HPSE2: variants seen among roughly 807,000 people sequenced by gnomAD.
HPSE2 encodes heparanase 2 (inactive).
HPSE2 carries 38 observed loss-of-function variants against 60.5 expected under a neutral mutation model. That is an observed-to-expected ratio of 0.63 (90% CI 0.48 to 0.82). The LOEUF (loss-of-function observed/expected upper bound fraction) is 0.82, where lower values mean the gene tolerates loss of function less well. Among genes scored for constraint, HPSE2 ranks in the 40% least tolerant of loss-of-function variants. HPSE2 has a pLI of 0.00. For missense variants in HPSE2, 713 were observed against 740.4 expected (o/e 0.96, Z 0.43); for synonymous variants, 295 against 293.2 (o/e 1.01, Z -0.06).
At chr10:98,685,718 A>G (rs1299471800) in intron 6 of HPSE2, among the ~76,000 whole-genome samples, 1 of 152,168 alleles carries the variant, frequency 6.6e-6, no homozygotes, top group Non-Finnish European at 1.5e-5. Context: ...ACATCTTGTA[A>G]AAGTTTTTTT....
chr10:99,069,852 G>GA (rs1276317791), intron 3 of HPSE2, among the ~76,000 whole-genome samples: 7 of 151,022 alleles, frequency 4.6e-5, no homozygotes, highest in Non-Finnish European at 8.9e-5. Flanking sequence ...ATGGTAACAT[G>GA]AAAAAAAACT....
intron 2 of HPSE2, among the ~76,000 whole-genome samples, chr10:99,161,342 T>C (rs1362642937): frequency 6.6e-6 from 1 of 151,766 alleles, no homozygotes; most frequent in East Asian, 1.9e-4. Context: ...GGCAAATCCA[T>C]AAAATGAAAT....
chr10:98,899,157 T>C (rs544428015), intron 3 of HPSE2, among the ~76,000 whole-genome samples: 15 of 152,328 alleles, frequency 9.8e-5, no homozygotes, highest in East Asian at 7.7e-4. Context: ...CTGTGTGCTT[T>C]TGTAGCTTGA....
intron 4 of HPSE2, among the ~76,000 whole-genome samples, chr10:98,724,727 T>C (rs1393891104): frequency 2.0e-5 from 3 of 152,310 alleles, no homozygotes; most frequent in Admixed American, 6.5e-5. Flanking sequence ...GTAATGGCCT[T>C]CTTTGTCTCT....
At chr10:99,312,879 G>T in the HPSE2 span, among the ~76,000 whole-genome samples, 4 of 152,192 alleles carry the variant, frequency 2.6e-5, no homozygotes, top group East Asian at 7.7e-4. Context: ...TGTAGGTATG[G>T]CCAGGTGGGA....
rs866336310 is a variant in HPSE2 at position 99,184,811 on chromosome 10, T to C, written c.449-40412A>G. 7.2e-3 allele frequency among the ~76,000 whole-genome samples: 271 copies of C among 37,884 alleles called. 40 individuals are homozygous for C. The highest frequency in any genetic ancestry group is 0.03 in the South Asian group (19 of 644). The allele number at this position is 37,884 out of a possible 152,430, so 24.9% of individuals were successfully genotyped here. The stretch of plus-strand genomic sequence containing the variant: ...TTATATATATATATATATATATATA[T>C]ATATATATAGAGAGAGAGAGAGAGA... On this transcript the variant is annotated intron_variant, in intron 2 of 11. Transcript: ENST00000370552.
intron 3 of HPSE2, among the ~76,000 whole-genome samples, chr10:99,114,988 T>C (rs1305404025): frequency 6.6e-6 from 1 of 151,916 alleles, no homozygotes; most frequent in Non-Finnish European, 1.5e-5. Flanking sequence ...TTTGCTTGTT[T>C]GTTTTGTTTT....
intron 11 of HPSE2, among the ~76,000 whole-genome samples, chr10:98,476,414 A>G (rs2133624690): frequency 6.6e-6 from 1 of 150,604 alleles, no homozygotes; most frequent in South Asian, 2.1e-4. Flanking sequence ...TGGCACATAT[A>G]TACATATGTA....
At chr10:98,954,772 A>G (rs947355933) in intron 3 of HPSE2, among the ~76,000 whole-genome samples, 12 of 152,018 alleles carry the variant, frequency 7.9e-5, no homozygotes, top group Admixed American at 5.9e-4. Flanking sequence ...TCAGTACAAT[A>G]TAAACTCCGC....
intron 7 of HPSE2, among the ~76,000 whole-genome samples, chr10:98,621,605 G>C (rs1171590545): frequency 1.3e-5 from 2 of 152,234 alleles, no homozygotes; most frequent in Admixed American, 1.3e-4. Context: ...TTTTCAAATT[G>C]ACAACCATTG....
At position 98,965,888 on chromosome 10, in the gene HPSE2, C is replaced by CT. The variant is rs376349261; in HGVS notation, c.610+178349dup. Among the ~76,000 whole-genome samples, 246 of 149,132 alleles carry CT rather than the reference C, an allele frequency of 1.6e-3. 2 individuals are homozygous for CT. Among genetic ancestry groups the CT allele is most frequent in the South Asian group, 4.1e-3 (19 of 4,682 alleles). The stretch of plus-strand genomic sequence containing the variant: ...TTCATTCAGTCATTTACAGAAAGTC[C>CT]TTTTTTTTTTCTTTTTTTTGAGATG... On this transcript the variant is annotated intron_variant, in intron 3 of 11. Transcript: ENST00000370552.
At chr10:98,551,121 A>C (rs981002990) in intron 9 of HPSE2, among the ~76,000 whole-genome samples, 2 of 152,138 alleles carry the variant, frequency 1.3e-5, no homozygotes, top group African/African-American at 4.8e-5. Context: ...GATGACACTG[A>C]AGTGGTATGC....
intron 11 of HPSE2, among the ~76,000 whole-genome samples, chr10:98,472,875 A>G (rs552427649): frequency 2.6e-5 from 4 of 152,378 alleles, no homozygotes; most frequent in African/African-American, 9.6e-5. Flanking sequence ...ATTTCAATAC[A>G]TAGATAGCAA....
At position 98,681,844 on chromosome 10, in the gene HPSE2, A is replaced by T. The variant is rs144387942; in HGVS notation, c.1004+12056T>A. On this transcript the variant is annotated intron_variant, in intron 6 of 11. Transcript: ENST00000370552. ...GGTTTTGGAAAATATACTTTCCACA[A>T]GAATATTTATGTTAAAATGTAATGG... Among the ~76,000 whole-genome samples, 21 of 152,350 alleles carry T rather than the reference A, an allele frequency of 1.4e-4. No homozygotes were observed. In the East Asian group the frequency reaches 3.7e-3, roughly 27 times the overall value.
chr10:99,297,219 T>C, the HPSE2 span, among the ~76,000 whole-genome samples: 1 of 152,168 alleles, frequency 6.6e-6, no homozygotes. Context: ...CTGCCTCATG[T>C]GACACCCGCC....
chr10:99,224,077 T>G (rs144847219), intron 2 of HPSE2, among the ~76,000 whole-genome samples: 1 of 152,220 alleles, frequency 6.6e-6, no homozygotes, highest in East Asian at 1.9e-4. Flanking sequence ...AGAGTACAGT[T>G]CATGTTTATT....
chr10:98,848,021 G>A (rs1952074178), intron 3 of HPSE2, among the ~76,000 whole-genome samples: 1 of 152,112 alleles, frequency 6.6e-6, no homozygotes, highest in Non-Finnish European at 1.5e-5. Context: ...AAATAATTCA[G>A]GTGAAAAATA....
At chr10:99,149,765 A>C (rs1846190304) in intron 2 of HPSE2, among the ~76,000 whole-genome samples, 2 of 152,210 alleles carry the variant, frequency 1.3e-5, no homozygotes, top group African/African-American at 4.8e-5. Context: ...ACATAATACA[A>C]AGAATAAAGA....
chr10:99,128,669 G>A (rs1241898414), intron 3 of HPSE2, among the ~76,000 whole-genome samples: 1 of 152,052 alleles, frequency 6.6e-6, no homozygotes, highest in African/African-American at 2.4e-5. Context: ...AACACATACT[G>A]GGGCCTGCTG....
Sources: gnomAD v4.1 joint callset for allele counts (sites outside exome capture counted in the v4.1 genomes callset) on GRCh38, gnomAD v4.1.1 for gene constraint, MANE v1.5 for transcripts, NCBI Gene and HGNC (gene_info 2026-07-23, HGNC 2026-07-21) for gene names.